The following MORN2 variants were observed in gnomAD, a reference collection of about 807,000 sequenced individuals.
MORN2 encodes the protein MORN repeat-containing protein 2.
MORN2 carries 15 observed loss-of-function variants against 13.4 expected under a neutral mutation model. The ratio of observed to expected loss-of-function variants is 1.12; its 90% confidence interval spans 0.75 to 1.72. The LOEUF (loss-of-function observed/expected upper bound fraction) is 1.72, where lower values mean the gene tolerates loss of function less well. Ranked by LOEUF, MORN2 falls within the 40% of genes most tolerant of loss-of-function variation. The probability of loss-of-function intolerance (pLI) is 0.00; values close to 1 mark genes in which losing one functional copy is unlikely to be tolerated. For synonymous variants in MORN2, 46 were observed against 43.6 expected, an observed-to-expected ratio of 1.06 and a Z score of -0.22; for missense variants, 168 against 134.6, an observed-to-expected ratio of 1.25 and a Z score of -1.23.
intron 1 of MORN2, among the ~76,000 whole-genome samples, chr2:38,877,958 G>A (rs943156114): frequency 1.3e-5 from 2 of 148,546 alleles, no homozygotes; most frequent in African/African-American, 5.0e-5. Flanking sequence ...ACCACACCCA[G>A]CTAATTCTTG....
rs1665745166 is a variant in MORN2 at position 38,880,238 on chromosome 2, A to G, written c.109+9A>G. On this transcript the variant is annotated intron_variant, in intron 2 of 4. Transcript: ENST00000644631. ...AAATGGAGACAAGTATGGTAAGTAT[A>G]CGCTTCAATTACTTTTTCTGTATAG... The G allele has an allele frequency of 2.5e-6, 1 of 399,534 alleles. No individual in the cohort carries two copies. The highest frequency in any genetic ancestry group is 4.4e-6 in the Non-Finnish European group (1 of 226,444). 24.7% of individuals were successfully genotyped at this position (399,534 alleles called of 1,614,324 possible). A position where few individuals can be genotyped will look rare whatever the true frequency, so the allele number is the denominator to read the frequency against.
chr2:38,877,913 C>T (rs1264435049), intron 1 of MORN2, among the ~76,000 whole-genome samples: 2 of 151,970 alleles, frequency 1.3e-5, no homozygotes, highest in East Asian at 1.9e-4. Flanking sequence ...CCTCCCACCT[C>T]AGCCCCCAAG....
Position 38,882,401 on chromosome 2 carries a change from C to T in MORN2, c.354-12C>T. ...TCTTTGTTAATGGAAAACTTATTTTCTACTATTGCAGGGTGGAAGGTGAAG... is the reference window on the plus strand; with the variant it reads ...TCTTTGTTAATGGAAAACTTATTTTTTACTATTGCAGGGTGGAAGGTGAAG... On this transcript the variant is annotated splice_polypyrimidine_tract_variant and intron_variant, in intron 4 of 4. Coordinates refer to ENST00000644631, the MANE Select transcript of MORN2 (RefSeq NM_001145450.3). The T allele has an allele frequency of 6.6e-7, 1 of 1,509,560 alleles. No individual in the cohort carries two copies. Among genetic ancestry groups the T allele is most frequent in the Non-Finnish European group, 9.0e-7 (1 of 1,112,388 alleles). The allele number at this position is 1,509,560 out of a possible 1,614,324, so 93.5% of individuals were successfully genotyped here.
At position 38,880,193 on chromosome 2, in the gene MORN2, A is replaced by G. The variant is rs1665743629; in HGVS notation, c.73A>G (p.Lys25Glu). Reference sequence around the variant, plus strand: ...TTTTAAAACAGCTTCAGAAGTGTATAAGATCAGCTTTATCTTTCCAAATGG... The same window carrying G: ...TTTTAAAACAGCTTCAGAAGTGTATGAGATCAGCTTTATCTTTCCAAATGG... Residue 25 changes from lysine to glutamate, a missense_variant, in exon 2 of 5, where the codon AAG (lysine) becomes GAG (glutamate). Transcript: ENST00000644631. 2.5e-6 allele frequency: 1 copy of G among 398,946 alleles called. No homozygotes were observed. Among genetic ancestry groups the G allele is most frequent in the South Asian group, 1.3e-4 (1 of 7,868 alleles). The allele number at this position is 398,946 out of a possible 1,614,324, so 24.7% of individuals were successfully genotyped here. A position where few individuals can be genotyped will look rare whatever the true frequency, so the allele number is the denominator to read the frequency against.
intron 4 of MORN2, 92 bp downstream of exon 4, chr2:38,881,670 A>G: frequency 9.6e-7 from 1 of 1,042,920 alleles, no homozygotes; most frequent in Non-Finnish European, 1.3e-6. Context: ...TTATTTATTG[A>G]GACAGAGTCT....
intron 4 of MORN2, 101 bp from the exon 5 acceptor site, chr2:38,882,312 T>TA: frequency 4.3e-6 from 2 of 464,596 alleles, no homozygotes; most frequent in Non-Finnish European, 7.0e-6. Context: ...AAGTAGAGGA[T>TA]ATAATCTTCA....
At position 38,876,045 on chromosome 2, in the gene MORN2, C is replaced by T. The variant is rs1302337735; in HGVS notation, c.-8C>T. The T allele has an allele frequency of 2.5e-6, 1 of 398,624 alleles. No individual in the cohort carries two copies. The highest frequency in any genetic ancestry group is 4.4e-6 in the Non-Finnish European group (1 of 226,154). The allele number at this position is 398,624 out of a possible 1,614,324, so 24.7% of individuals were successfully genotyped here. On this transcript the variant is annotated 5_prime_UTR_variant, in exon 1 of 5. Transcript: ENST00000644631. The stretch of plus-strand genomic sequence containing the variant: ...GTCCTAGCGCCTAGTTCTCTCCCGG[C>T]CGCAGAGCTGGCCGCCCAGGGGGAG...
Position 38,880,646 on chromosome 2 carries a change from A to G in MORN2, c.156A>G (p.Gly52=). Reference sequence around the variant, plus strand: ...CTTCTGGAATCTACGAGAGAAATGGAATAGGTATTCATACCACTCCTAATG... The same window carrying G: ...CTTCTGGAATCTACGAGAGAAATGGGATAGGTATTCATACCACTCCTAATG... Residue 52 remains glycine (G), a synonymous_variant, in exon 3 of 5, where the codon GGA becomes GGG. Transcript: ENST00000644631. 1.3e-6 allele frequency: 2 copies of G among 1,546,752 alleles called. No homozygotes were observed. Among genetic ancestry groups the G allele is most frequent in the Non-Finnish European group, 1.7e-6 (2 of 1,145,396 alleles).
chr2:38,881,018 A>C (rs1245770512), intron 3 of MORN2, among the ~76,000 whole-genome samples: 1 of 152,206 alleles, frequency 6.6e-6, no homozygotes, highest in East Asian at 1.9e-4. Context: ...AATGAGGAAA[A>C]TCAGGCTCAG....
At chr2:38,880,766 C>G in intron 3 of MORN2, 60 bp downstream of exon 3, 1 of 1,530,524 alleles carries the variant, frequency 6.5e-7, no homozygotes, top group Non-Finnish European at 8.8e-7. Context: ...TTAGTGATTC[C>G]AGGCATTTCA....
Position 38,877,686 on chromosome 2 carries a change from G to A in MORN2, c.58+1576G>A, listed in dbSNP as rs112214606. On this transcript the variant is annotated intron_variant, in intron 1 of 4. Transcript: ENST00000644631. ...GGTGTAGATGGAATCTCACTATGTTGCCCAGGCTGGTCTCAAACTCCTGGG... is the reference window on the plus strand; with the variant it reads ...GGTGTAGATGGAATCTCACTATGTTACCCAGGCTGGTCTCAAACTCCTGGG... 4.1e-3 allele frequency among the ~76,000 whole-genome samples: 620 copies of A among 151,914 alleles called. 3 individuals carry two copies. The highest frequency in any genetic ancestry group is 0.014 in the African/African-American group (588 of 41,362).
chr2:38,877,223 G>A (rs1558415623), intron 1 of MORN2, among the ~76,000 whole-genome samples: 1 of 152,020 alleles, frequency 6.6e-6, no homozygotes, highest in Non-Finnish European at 1.5e-5. Flanking sequence ...ACGAGATCAA[G>A]CCACTGCACT....
chr2:38,882,323 G>C, intron 4 of MORN2, 90 bp from the exon 5 acceptor site: 1 of 515,870 alleles, frequency 1.9e-6, no homozygotes, highest in Admixed American at 3.5e-5. Context: ...ATAATCTTCA[G>C]ACATAGTATA....
At chr2:38,880,531 G>A in intron 2 of MORN2, 69 bp from the exon 3 acceptor site, 2 of 968,706 alleles carry the variant, frequency 2.1e-6, no homozygotes, top group Non-Finnish European at 2.9e-6. Context: ...AACCCATGAG[G>A]TGTAGTTGCG....
chr2:38,879,591 T>C (rs1420989825), intron 1 of MORN2, among the ~76,000 whole-genome samples: 1 of 151,894 alleles, frequency 6.6e-6, no homozygotes, highest in Non-Finnish European at 1.5e-5. Flanking sequence ...GGCAAATCCC[T>C]GAGGCAGAAA....
At chr2:38,876,595 G>A (rs1442643103) in intron 1 of MORN2, among the ~76,000 whole-genome samples, 1 of 152,178 alleles carries the variant, frequency 6.6e-6, no homozygotes, top group Admixed American at 6.5e-5. Flanking sequence ...TCTGCCATCC[G>A]TGTCCTGGAG....
intron 4 of MORN2, among the ~76,000 whole-genome samples, chr2:38,881,848 A>G (rs984749753): frequency 6.6e-6 from 1 of 152,178 alleles, no homozygotes; most frequent in Non-Finnish European, 1.5e-5. Context: ...ACGGGGTTTC[A>G]CCGTGTTGAG....
intron 1 of MORN2, among the ~76,000 whole-genome samples, chr2:38,877,486 CAT>C (rs1161796049): frequency 6.6e-6 from 1 of 152,090 alleles, no homozygotes; most frequent in East Asian, 1.9e-4. Flanking sequence ...AATAAGCAAA[CAT>C]AACTAAATTC....
At position 38,875,986 on chromosome 2, in the gene MORN2, C is replaced by CG. The variant is rs1247974573; in HGVS notation, c.-65dup. The CG allele has an allele frequency of 2.5e-6, 1 of 398,590 alleles. No homozygotes were observed. Among genetic ancestry groups the CG allele is most frequent in the Non-Finnish European group, 4.4e-6 (1 of 226,218 alleles). 24.7% of individuals were successfully genotyped at this position (398,590 alleles called of 1,614,324 possible). A position where few individuals can be genotyped will look rare whatever the true frequency, so the allele number is the denominator to read the frequency against. On this transcript the variant is annotated 5_prime_UTR_variant, in exon 1 of 5. Transcript: ENST00000644631. ...TATTCGCTTCCGGGTGAGAGGTGCC[C>CG]GGTCGCCCCAGCAACCAAGTCGCAC...
Sources: gnomAD v4.1 joint callset for allele counts (sites outside exome capture counted in the v4.1 genomes callset) on GRCh38, gnomAD v4.1.1 for gene constraint, MANE v1.5 for transcripts, NCBI Gene and HGNC (gene_info 2026-07-23, HGNC 2026-07-21) for gene names.